Variants in TMEM178A observed in about 807,000 individuals in gnomAD.
TMEM178A encodes transmembrane protein 178.
Under a neutral mutation model 29.1 loss-of-function variants are expected in TMEM178A, and 12 were observed. The ratio of observed to expected loss-of-function variants is 0.41; its 90% CI spans 0.26 to 0.67. The LOEUF (loss-of-function observed/expected upper bound fraction) is 0.67. Ranked by LOEUF, TMEM178A falls within the 30% of genes least tolerant of loss-of-function variation. The pLI, the probability that TMEM178A is intolerant of heterozygous loss-of-function variation, is 0.29. For synonymous variants in TMEM178A, 210 were observed against 187.2 expected (o/e 1.12, Z -0.99); for missense variants, 366 against 419.1 (o/e 0.87, Z 1.11).
intron 1 of TMEM178A, among the ~76,000 whole-genome samples, chr2:39,672,722 A>G (rs1437793087): frequency 6.6e-6 from 1 of 151,918 alleles, no homozygotes; most frequent in Non-Finnish European, 1.5e-5. Context: ...AACTTTGTAG[A>G]GATGGGGTCT....
chr2:39,728,736 C>T, the TMEM178A span, among the ~76,000 whole-genome samples: 2 of 151,084 alleles, frequency 1.3e-5, no homozygotes, highest in Non-Finnish European at 2.9e-5. Context: ...TTTTTTTTAA[C>T]CCATCGTTTG....
At chr2:39,712,891 G>A (rs2148116271) in intron 3 of TMEM178A, among the ~76,000 whole-genome samples, 1 of 152,302 alleles carries the variant, frequency 6.6e-6, no homozygotes, top group South Asian at 2.1e-4. Flanking sequence ...TAATTAGATT[G>A]CTGCCAATGA....
At chr2:39,690,484 A>G (rs923428851) in intron 1 of TMEM178A, among the ~76,000 whole-genome samples, 1 of 152,206 alleles carries the variant, frequency 6.6e-6, no homozygotes, top group African/African-American at 2.4e-5. Context: ...AGTAAAGGCC[A>G]GTGTCCTAAG....
rs1671411142 is a variant in TMEM178A at position 39,693,578 on chromosome 2, AAT to A, written c.401-10501_401-10500del. On this transcript the variant is annotated intron_variant, in intron 1 of 3. Transcript: ENST00000281961. ...TTTTCTCCTGAGTTGGAGAGAAAAG[AAT>A]AGTGTCTCTACATTGTGGTTCTCTT... Among the ~76,000 whole-genome samples, 6 of 152,256 alleles carry A rather than the reference AAT, an allele frequency of 3.9e-5. No homozygotes were observed. The South Asian group carries it at 1.2e-3, about 31-fold the overall frequency.
Position 39,717,097 on chromosome 2 carries a change from C to G in TMEM178A, c.740C>G (p.Pro247Arg). The G allele has an allele frequency of 1.2e-6, 2 of 1,612,328 alleles. No homozygotes were observed. Among genetic ancestry groups the G allele is most frequent in the Non-Finnish European group, 1.7e-6 (2 of 1,179,810 alleles). ...CTCCCAAAGCTAATTTATAGCCTGC[C>G]TGCTGATGTGGAACATGGTTACAGC... is the stretch of plus-strand genomic sequence containing the variant. ...NRLPKLIYSL[P>R]ADVEHGYSWS... Residue 247 changes from proline to arginine, a missense_variant, in exon 4 of 4, where the codon CCT becomes CGT. By Grantham distance (103) the Pro-to-Arg change is moderately radical. This residue lies in a region of TMEM178A where 119 missense variants were observed against 172.2 expected (regional missense o/e 0.69). Transcript: ENST00000281961.
downstream of TMEM178A, among the ~76,000 whole-genome samples, chr2:39,722,713 T>G (rs1170915604): frequency 1.3e-5 from 2 of 152,150 alleles, no homozygotes; most frequent in East Asian, 3.9e-4. Flanking sequence ...CAGGTAAGCA[T>G]TTCCCTTTTT....
the TMEM178A span, among the ~76,000 whole-genome samples, chr2:39,729,157 C>T: frequency 6.6e-6 from 1 of 152,166 alleles, no homozygotes; most frequent in Non-Finnish European, 1.5e-5. Context: ...CCAGGAACAC[C>T]ATCCAAACCA....
chr2:39,676,078 T>C (rs1245300042), intron 1 of TMEM178A, among the ~76,000 whole-genome samples: 1 of 152,210 alleles, frequency 6.6e-6, no homozygotes, highest in African/African-American at 2.4e-5. Flanking sequence ...CTAAACAAGG[T>C]CAGATATAGC....
downstream of TMEM178A, among the ~76,000 whole-genome samples, chr2:39,720,677 C>T (rs1368787154): frequency 6.6e-6 from 1 of 152,188 alleles, no homozygotes; most frequent in Non-Finnish European, 1.5e-5. Flanking sequence ...CCACCCAGTG[C>T]CTGGTAGACC....
chr2:39,696,117 A>C (rs1157389465), intron 1 of TMEM178A, among the ~76,000 whole-genome samples: 1 of 152,126 alleles, frequency 6.6e-6, no homozygotes, highest in Non-Finnish European at 1.5e-5. Flanking sequence ...TCAAAACTTC[A>C]CACAGCAAAT....
chr2:39,730,820 G>C, the TMEM178A span, among the ~76,000 whole-genome samples: 1 of 152,230 alleles, frequency 6.6e-6, no homozygotes, highest in East Asian at 1.9e-4. Context: ...GTAATTAGGA[G>C]TGATATAGTA....
chr2:39,711,916 A>C (rs1364453330), intron 3 of TMEM178A, among the ~76,000 whole-genome samples: 1 of 152,198 alleles, frequency 6.6e-6, no homozygotes, highest in Admixed American at 6.5e-5. Context: ...ACGAATATTC[A>C]CACTAAATGG....
chr2:39,725,530 T>C, the TMEM178A span, among the ~76,000 whole-genome samples: 1 of 152,172 alleles, frequency 6.6e-6, no homozygotes, highest in South Asian at 2.1e-4. Flanking sequence ...ATTTGGTCAA[T>C]GCGGGGGAAA....
chr2:39,711,648 A>AT (rs928076662), intron 3 of TMEM178A, among the ~76,000 whole-genome samples: 12 of 152,156 alleles, frequency 7.9e-5, no homozygotes, highest in South Asian at 2.1e-4. Flanking sequence ...ATGAATCCAA[A>AT]TTTTTTTTAA....
At chr2:39,701,905 A>G (rs761783317) in intron 1 of TMEM178A, among the ~76,000 whole-genome samples, 1 of 152,010 alleles carries the variant, frequency 6.6e-6, no homozygotes, top group East Asian at 1.9e-4. Context: ...TATTTCTGTC[A>G]TGTTGCTAAT....
intron 2 of TMEM178A, among the ~76,000 whole-genome samples, chr2:39,704,726 G>C (rs77421561): frequency 0.011 from 1,602 of 152,272 alleles, 8 homozygotes; most frequent in Non-Finnish European, 0.015. Context: ...GCATCATGCA[G>C]TGTGAAACTA....
At chr2:39,709,692 C>T (rs1276899761) in intron 3 of TMEM178A, among the ~76,000 whole-genome samples, 2 of 152,194 alleles carry the variant, frequency 1.3e-5, no homozygotes, top group African/African-American at 2.4e-5. Context: ...CCCCATTTCT[C>T]TGACTCTTGT....
intron 1 of TMEM178A, among the ~76,000 whole-genome samples, chr2:39,702,966 G>A (rs1282136109): frequency 1.3e-5 from 2 of 152,122 alleles, no homozygotes; most frequent in African/African-American, 4.8e-5. Flanking sequence ...ACTCCTTAGG[G>A]AAGATGATCC....
Position 39,717,540 on chromosome 2 carries a change from A to G in TMEM178A, c.*289A>G, listed in dbSNP as rs146772305. 172 of 280,310 alleles carry G rather than the reference A, an allele frequency of 6.1e-4. No individual in the cohort carries two copies. The East Asian group carries it at 0.011, about 18-fold the overall frequency. The allele number at this position is 280,310 out of a possible 1,614,324, so 17.4% of individuals were successfully genotyped here. On this transcript the variant is annotated 3_prime_UTR_variant, in exon 4 of 4. Coordinates refer to ENST00000281961, the MANE Select transcript of TMEM178A (RefSeq NM_152390.3). ...AAGAAACTGCAATGGAAAAATTTGT[A>G]TGATTTCCATTTATTTCAGAAAGTT...
Sources: gnomAD v4.1 joint callset for allele counts (sites outside exome capture counted in the v4.1 genomes callset) on GRCh38, gnomAD v4.1.1 for gene constraint, gnomAD v4.1.1 regional missense constraint, MANE v1.5 for transcripts, NCBI Gene and HGNC (gene_info 2026-07-23, HGNC 2026-07-21) for gene names.